The following COL19A1 variants were observed in gnomAD, a reference collection of about 807,000 sequenced individuals.
COL19A1 encodes collagen type XIX alpha 1 chain.
Under a neutral mutation model 190.2 loss-of-function variants are expected in COL19A1, and 159 were observed. The ratio of observed to expected loss-of-function variants is 0.84; its 90% CI spans 0.73 to 0.95. The LOEUF is 0.95. COL19A1 is among the 40% of genes least tolerant of loss of function. The pLI is 0.00. For missense variants in COL19A1, 1,418 were observed against 1,431.9 expected (o/e 0.99, Z 0.16); for synonymous variants, 509 against 458.9 (o/e 1.11, Z -1.39).
rs1202022958 is a variant in COL19A1, at chr6:70,149,910, G to A, written c.1983+6G>A. 3 of 1,613,728 alleles carry A rather than the reference G, an allele frequency of 1.9e-6. No individual in the cohort carries two copies. The highest frequency in any genetic ancestry group is 1.3e-5 in the African/African-American group (1 of 74,948). On this transcript the variant is annotated splice_donor_region_variant and intron_variant, in intron 29 of 50. Coordinates refer to ENST00000620364, the MANE Select transcript of COL19A1 (RefSeq NM_001858.6). The stretch of plus-strand genomic sequence containing the variant: ...CAGGGACTCCAGGGAATGATGTAAG[G>A]ACTTTCTTTATCTACCCTCCCCCAT...
At position 69,952,772 on chromosome 6, in the gene COL19A1, T is replaced by C. The variant is rs1340974; in HGVS notation, c.937-7224T>C. ...CTGGAAAATGAAATGACTATGATCT[T>C]TGAATCTTGATTTTCCCTAAAAAGA... On this transcript the variant is annotated intron_variant, in intron 9 of 50. Coordinates refer to ENST00000620364, the MANE Select transcript of COL19A1 (RefSeq NM_001858.6). Among the ~76,000 whole-genome samples, 1,275 of 152,164 alleles carry C rather than the reference T, an allele frequency of 8.4e-3. 22 individuals carry two copies. The highest frequency in any genetic ancestry group is 0.029 in the African/African-American group (1,221 of 41,540).
chr6:70,065,741 A>T (rs1364254180), intron 14 of COL19A1, among the ~76,000 whole-genome samples: 1 of 152,112 alleles, frequency 6.6e-6, no homozygotes, highest in African/African-American at 2.4e-5. Context: ...GAATCTACAA[A>T]GAACTCAAAC....
At chr6:70,085,698 C>T (rs1408019175) in intron 15 of COL19A1, among the ~76,000 whole-genome samples, 2 of 152,020 alleles carry the variant, frequency 1.3e-5, no homozygotes, top group Admixed American at 6.6e-5. Flanking sequence ...TGGAATATGT[C>T]AGAAGGCTTT....
At chr6:70,110,172 T>A (rs10485243) in intron 16 of COL19A1, among the ~76,000 whole-genome samples, 27,889 of 152,136 alleles carry the variant, frequency 0.18, 2,754 homozygotes, top group Non-Finnish European at 0.22. Context: ...GATCACTTGT[T>A]AAAATACCCT....
intron 11 of COL19A1, among the ~76,000 whole-genome samples, chr6:69,975,655 G>A (rs547781371): frequency 6.6e-6 from 1 of 152,142 alleles, no homozygotes; most frequent in African/African-American, 2.4e-5. Context: ...TTTGATTCTG[G>A]CAGGTATTAC....
At chr6:70,068,350 A>T in intron 14 of COL19A1, 73 bp from the exon 15 acceptor site, 1 of 1,005,572 alleles carries the variant, frequency 9.9e-7, no homozygotes, top group Non-Finnish European at 1.6e-6. Flanking sequence ...ATAATTATTA[A>T]TTTTCACAAC....
At chr6:70,037,449 C>T (rs1156772087) in intron 14 of COL19A1, among the ~76,000 whole-genome samples, 1 of 152,046 alleles carries the variant, frequency 6.6e-6, no homozygotes. Context: ...AGCCACTGTG[C>T]CCAGCCTTAC....
At chr6:70,019,870 A>AT (rs1003072132) in intron 11 of COL19A1, among the ~76,000 whole-genome samples, 9 of 151,934 alleles carry the variant, frequency 5.9e-5, no homozygotes, top group African/African-American at 2.2e-4. Context: ...GTTTTTGCTT[A>AT]TTTTCTTCTC....
chr6:69,986,218 G>GTT (rs1238008218), intron 11 of COL19A1, among the ~76,000 whole-genome samples: 86 of 84,390 alleles, frequency 1.0e-3, no homozygotes, highest in African/African-American at 4.0e-3. Context: ...TGACTTACAC[G>GTT]TTTTATATAT....
intron 11 of COL19A1, among the ~76,000 whole-genome samples, chr6:70,004,590 A>T (rs1303243750): frequency 6.6e-6 from 1 of 151,870 alleles, no homozygotes; most frequent in Non-Finnish European, 1.5e-5. Flanking sequence ...CTTTTTCTCT[A>T]ATCTTATCTG....
At chr6:70,090,688 G>T (rs1422240816) in intron 15 of COL19A1, among the ~76,000 whole-genome samples, 1 of 152,002 alleles carries the variant, frequency 6.6e-6, no homozygotes, top group African/African-American at 2.4e-5. Flanking sequence ...TTACCTTCTG[G>T]CCTATTATCT....
chr6:69,871,622 A>G (rs1445228093), intron 1 of COL19A1, among the ~76,000 whole-genome samples: 5 of 151,608 alleles, frequency 3.3e-5, no homozygotes. Flanking sequence ...ATTATTTTCT[A>G]TTTTGGTGTT....
intron 1 of COL19A1, among the ~76,000 whole-genome samples, chr6:69,876,671 T>C (rs1409433305): frequency 2.6e-5 from 4 of 152,224 alleles, no homozygotes; most frequent in African/African-American, 9.6e-5. Flanking sequence ...TTGTCACCAC[T>C]GTGCCAAACT....
intron 10 of COL19A1, among the ~76,000 whole-genome samples, chr6:69,960,619 C>T (rs1025415036): frequency 1.9e-4 from 29 of 149,958 alleles, no homozygotes; most frequent in African/African-American, 6.7e-4. Flanking sequence ...CCTTTGTGCC[C>T]CCACTTTTTT....
chr6:69,981,657 A>G (rs1384907303), intron 11 of COL19A1, among the ~76,000 whole-genome samples: 2 of 151,798 alleles, frequency 1.3e-5, no homozygotes. Context: ...TATATTCTTC[A>G]TATTTAAAAA....
chr6:70,199,819 T>A lies in COL19A1; in HGVS notation c.3223+83T>A, dbSNP rs191757489. 400 of 1,324,028 alleles carry A rather than the reference T, an allele frequency of 3.0e-4. 2 individuals carry two copies. The Middle Eastern group carries it at 7.9e-3, about 26-fold the overall frequency. 82.0% of individuals were successfully genotyped at this position (1,324,028 alleles called of 1,614,324 possible). ...TGTTAGTCACAGTTAAGGAAAAAAG[T>A]ATGTATGTATGTCCTTTATTTATAC... On this transcript the variant is annotated intron_variant, in intron 49 of 50. Coordinates refer to ENST00000620364, the MANE Select transcript of COL19A1 (RefSeq NM_001858.6).
rs749754342 is a variant in COL19A1 at position 69,900,338 on chromosome 6, T to C, written c.266T>C (p.Ile89Thr). 2 of 1,477,250 alleles carry C rather than the reference T, an allele frequency of 1.4e-6. No individual in the cohort carries two copies. Among genetic ancestry groups the C allele is most frequent in the African/African-American group, 1.4e-5 (1 of 70,716 alleles). 91.5% of individuals were successfully genotyped at this position (1,477,250 alleles called of 1,614,324 possible). A position where few individuals can be genotyped will look rare whatever the true frequency, so the allele number is the denominator to read the frequency against. ...AGTGCACTTCTTATTAGAGACACTA[T>C]GTAAGTAAAAAATTATTTTCTTTAT... ...LGSALLIRDT[I>T]KIFPKGLPEE... Residue 89 changes from isoleucine to threonine, a missense_variant and splice_region_variant, in exon 4 of 51, where the codon ATT (isoleucine) becomes ACT (threonine). By Grantham distance (89) the Ile-to-Thr change is moderately conservative. Coordinates refer to ENST00000620364, the MANE Select transcript of COL19A1 (RefSeq NM_001858.6).
chr6:69,963,561 A>G (rs1281598468), intron 11 of COL19A1, among the ~76,000 whole-genome samples: 1 of 152,150 alleles, frequency 6.6e-6, no homozygotes, highest in Non-Finnish European at 1.5e-5. Flanking sequence ...CCATCCCACT[A>G]TCCTCTAGCC....
intron 27 of COL19A1, among the ~76,000 whole-genome samples, chr6:70,148,788 G>C (rs1014322127): frequency 6.6e-6 from 1 of 152,042 alleles, no homozygotes; most frequent in Non-Finnish European, 1.5e-5. Context: ...TTAGCCAAAC[G>C]TGGTGGTGGG....
Sources: allele counts gnomAD v4.1 joint callset (sites outside exome capture counted in the v4.1 genomes callset), GRCh38; gene constraint gnomAD v4.1.1; transcripts MANE v1.5; gene names NCBI Gene and HGNC (gene_info 2026-07-23, HGNC 2026-07-21).